RSBN1: variants seen among roughly 807,000 people sequenced by gnomAD.
RSBN1 encodes the protein lysine-specific demethylase 9.
In RSBN1, 23 loss-of-function variants were observed where a neutral mutation model predicts 74.8. The ratio of observed to expected loss-of-function variants is 0.31; its 90% CI spans 0.22 to 0.44. The LOEUF (loss-of-function observed/expected upper bound fraction) is 0.44. Ranked by LOEUF, RSBN1 falls within the 20% of genes least tolerant of loss-of-function variation. The pLI, the probability that RSBN1 is intolerant of heterozygous loss-of-function variation, is 1.00. For missense variants in RSBN1, 808 were observed against 1,020.9 expected, an observed-to-expected ratio of 0.79 and a Z score of 2.84; for synonymous variants, 407 against 379.6, an observed-to-expected ratio of 1.07 and a Z score of -0.84.
At chr1:113,809,320 G>A (rs1228703032) in intron 1 of RSBN1, among the ~76,000 whole-genome samples, 1 of 152,208 alleles carries the variant, frequency 6.6e-6, no homozygotes, top group African/African-American at 2.4e-5. Context: ...GACAGGAAAA[G>A]TGCAGTTGAG....
intron 2 of RSBN1, among the ~76,000 whole-genome samples, chr1:113,783,539 A>G (rs1660177751): frequency 6.6e-6 from 1 of 152,206 alleles, no homozygotes; most frequent in Non-Finnish European, 1.5e-5. Flanking sequence ...CAAGCAAAGT[A>G]TTCCTTCTTT....
intron 2 of RSBN1, among the ~76,000 whole-genome samples, chr1:113,782,418 C>T (rs955287407): frequency 1.3e-5 from 2 of 152,034 alleles, no homozygotes; most frequent in African/African-American, 4.8e-5. Context: ...GAGACAGAAC[C>T]AAGAACTGCA....
chr1:113,798,166 TAGAAAACAAATG>T (rs1187635785), intron 1 of RSBN1, 130 bp from the exon 2 acceptor site: 1 of 743,536 alleles, frequency 1.3e-6, no homozygotes, highest in Non-Finnish European at 2.2e-6. Flanking sequence ...CTTACGTGTT[TAGAAAACAAATG>T]AGACAGAGAT....
intron 2 of RSBN1, among the ~76,000 whole-genome samples, chr1:113,791,269 T>C (rs1265111425): frequency 1.3e-5 from 2 of 152,234 alleles, no homozygotes; most frequent in African/African-American, 2.4e-5. Context: ...ATTTATTCTC[T>C]TTATAATATC....
At chr1:113,770,139 T>C (rs1490625322) in intron 4 of RSBN1, among the ~76,000 whole-genome samples, 2 of 152,202 alleles carry the variant, frequency 1.3e-5, no homozygotes, top group Non-Finnish European at 2.9e-5. Flanking sequence ...ACTGATTCTG[T>C]CTAATAGTAT....
intron 2 of RSBN1, among the ~76,000 whole-genome samples, chr1:113,792,379 C>T (rs527617034): frequency 6.6e-6 from 1 of 152,200 alleles, no homozygotes; most frequent in African/African-American, 2.4e-5. Context: ...CCTTGGTGGT[C>T]CATTTACTAG....
intron 1 of RSBN1, among the ~76,000 whole-genome samples, chr1:113,803,387 T>C (rs551327337): frequency 5.8e-4 from 89 of 152,360 alleles, no homozygotes; most frequent in Non-Finnish European, 1.1e-3. Flanking sequence ...CTGGATCGTA[T>C]AGTATGTTTA....
chr1:113,772,338 A>C (rs1200678564), intron 4 of RSBN1, among the ~76,000 whole-genome samples: 1 of 152,130 alleles, frequency 6.6e-6, no homozygotes, highest in African/African-American at 2.4e-5. Flanking sequence ...TAAAAACATG[A>C]CATGTATATC....
At chr1:113,796,595 AG>A (rs1190819794) in intron 2 of RSBN1, among the ~76,000 whole-genome samples, 7 of 152,162 alleles carry the variant, frequency 4.6e-5, no homozygotes, top group Admixed American at 4.6e-4. Flanking sequence ...AAAAAGTGAA[AG>A]TCTCCACTAA....
rs752231321 is a variant in RSBN1, at chr1:113,812,396, C to T, written c.17G>A (p.Arg6Gln). ...CGCCCTCCACTTGTCGGCCGTTCTT[C>T]GTCCAGAGATGAACATGCCGGAAGC... MFISG[R>Q]RTADKWRAEE... Residue 6 changes from arginine (R) to glutamine (Q), a missense_variant, in exon 1 of 7, where the codon CGA (arginine) becomes CAA (glutamine). Transcript: ENST00000261441. 1 of 1,599,940 alleles carries T rather than the reference C, an allele frequency of 6.3e-7. No individual in the cohort carries two copies. Among genetic ancestry groups the T allele is most frequent in the African/African-American group, 1.3e-5 (1 of 75,002 alleles).
intron 1 of RSBN1, among the ~76,000 whole-genome samples, chr1:113,803,535 A>T (rs927893247): frequency 2.0e-5 from 3 of 152,232 alleles, no homozygotes; most frequent in Non-Finnish European, 4.4e-5. Flanking sequence ...CGGAGGAAAG[A>T]ACAGTATCTC....
At position 113,764,887 on chromosome 1, in the gene RSBN1, T is replaced by C. The variant is rs1375087956; in HGVS notation, c.*1093A>G. ...CTGTTTGAAAAGAAAATTTAAATAC[T>C]CAGGCACTAAGCATTAGCCTACCTG... On this transcript the variant is annotated 3_prime_UTR_variant, in exon 7 of 7. Coordinates refer to ENST00000261441, the MANE Select transcript of RSBN1 (RefSeq NM_018364.5). 1 of 152,266 alleles carries C rather than the reference T, an allele frequency of 6.6e-6. No individual in the cohort carries two copies. The highest frequency in any genetic ancestry group is 1.5e-5 in the Non-Finnish European group (1 of 68,008). The allele number at this position is 152,266 out of a possible 1,614,324, so 9.4% of individuals were successfully genotyped here. A position where few individuals can be genotyped will look rare whatever the true frequency, so the allele number is the denominator to read the frequency against.
chr1:113,770,388 G>A (rs963450960), intron 4 of RSBN1, among the ~76,000 whole-genome samples: 1 of 152,272 alleles, frequency 6.6e-6, no homozygotes, highest in Non-Finnish European at 1.5e-5. Flanking sequence ...CTGACACACT[G>A]ACCATATGGT....
intron 2 of RSBN1, among the ~76,000 whole-genome samples, chr1:113,787,174 T>C (rs900665867): frequency 6.6e-6 from 1 of 152,222 alleles, no homozygotes; most frequent in African/African-American, 2.4e-5. Flanking sequence ...TGTGTGATCA[T>C]GTTTCAACAC....
chr1:113,786,734 G>A (rs2101807093), intron 2 of RSBN1, among the ~76,000 whole-genome samples: 1 of 152,286 alleles, frequency 6.6e-6, no homozygotes, highest in Admixed American at 6.5e-5. Flanking sequence ...ACTTTGGGAG[G>A]CCAAGGCAGG....
intron 2 of RSBN1, among the ~76,000 whole-genome samples, chr1:113,789,161 T>C (rs932399678): frequency 6.6e-6 from 1 of 152,124 alleles, no homozygotes; most frequent in Non-Finnish European, 1.5e-5. Context: ...CGGTCAGCCC[T>C]ACCCCCAACC....
Position 113,768,334 on chromosome 1 carries a change from C to T in RSBN1, c.1714G>A (p.Glu572Lys), listed in dbSNP as rs1050379463. Reference protein sequence around the residue: ...QYLPRTSEPREVLFEDRTRAH... With the variant: ...QYLPRTSEPRKVLFEDRTRAH... Reference sequence around the variant, plus strand: ...CTAGTCCTATCTTCAAAGAGAACTTCGCGGGGTTCACTGGTCCGAGGTAGG... The same window carrying T: ...CTAGTCCTATCTTCAAAGAGAACTTTGCGGGGTTCACTGGTCCGAGGTAGG... The change falls in exon 5 of 7, where the codon GAA (glutamate) becomes AAA (lysine). Residue 572 changes from glutamate to lysine, a missense_variant. Glu to Lys is a moderately conservative substitution (Grantham distance 56). This residue lies in a region of RSBN1 where 112 missense variants were observed against 257.3 expected (regional missense o/e 0.44). Coordinates refer to ENST00000261441, the MANE Select transcript of RSBN1 (RefSeq NM_018364.5). The T allele has an allele frequency of 1.2e-6, 2 of 1,612,642 alleles. No individual in the cohort carries two copies. Among genetic ancestry groups the T allele is most frequent in the Non-Finnish European group, 1.7e-6 (2 of 1,179,108 alleles).
chr1:113,772,796 T>C (rs1194921877), intron 4 of RSBN1, among the ~76,000 whole-genome samples: 1 of 152,204 alleles, frequency 6.6e-6, no homozygotes, highest in Non-Finnish European at 1.5e-5. Context: ...CTCAGATGCA[T>C]TATTAAATAA....
rs1660873444 is a variant in RSBN1, at chr1:113,812,058, G to C, written c.355C>G (p.Arg119Gly). 1 of 1,549,890 alleles carries C rather than the reference G, an allele frequency of 6.5e-7. No individual in the cohort carries two copies. Among genetic ancestry groups the C allele is most frequent in the African/African-American group, 1.4e-5 (1 of 73,088 alleles). Reference sequence around the variant, plus strand: ...GGCGGCAGCGGCCCAGGATGTTGGCGGCTGCGACGCCGCCGGTGAGGGGGA... The same window carrying C: ...GGCGGCAGCGGCCCAGGATGTTGGCCGCTGCGACGCCGCCGGTGAGGGGGA... ...LAPPHRRRRS[R>G]QHPGPLPPTN... The change falls in exon 1 of 7, where the codon CGC (arginine) becomes GGC (glycine). Residue 119 changes from arginine to glycine, a missense_variant. This residue lies in a region of RSBN1 where 464 missense variants were observed against 401.0 expected (regional missense o/e 1.16). Transcript: ENST00000261441.
Sources: gnomAD v4.1 joint callset for allele counts (sites outside exome capture counted in the v4.1 genomes callset) on GRCh38, gnomAD v4.1.1 for gene constraint, gnomAD v4.1.1 regional missense constraint, MANE v1.5 for transcripts, NCBI Gene and HGNC (gene_info 2026-07-23, HGNC 2026-07-21) for gene names.